Variants in MAGT1 observed in about 807,000 individuals in gnomAD.
The protein encoded by MAGT1 is dolichyl-diphosphooligosaccharide--protein glycosyltransferase subunit MAGT1.
MAGT1 carries 4 observed loss-of-function variants against 28.4 expected under a neutral mutation model. The observed-to-expected ratio is 0.14, with a 90% CI of 0.07 to 0.32. The LOEUF (loss-of-function observed/expected upper bound fraction) is 0.32. MAGT1 is among the 10% of genes least tolerant of loss of function. The pLI is 1.00. For missense variants in MAGT1, 193 were observed against 264.5 expected (o/e 0.73, Z 1.88); for synonymous variants, 89 against 89.7 (o/e 0.99, Z 0.04).
In MAGT1 at chrX:77,867,852, C is replaced by T. The variant is rs782817971; in HGVS notation, c.390+2956G>A. ...TAATTTTGTTTAAACCAGGGTTTCCCAAGTTTATTTTTTTCCAAGAATACT... is the reference window on the plus strand; with the variant it reads ...TAATTTTGTTTAAACCAGGGTTTCCTAAGTTTATTTTTTTCCAAGAATACT... On this transcript the variant is annotated intron_variant, in intron 3 of 9. Transcript: ENST00000618282. 9.0e-5 allele frequency among the ~76,000 whole-genome samples: 6 copies of T among 67,023 alleles called. No individual in the cohort carries two copies. The South Asian group carries it at 3.9e-3, about 44-fold the overall frequency. 58.2% of individuals were successfully genotyped at this position (67,023 alleles called of 115,157 possible). A position where few individuals can be genotyped will look rare whatever the true frequency, so the allele number is the denominator to read the frequency against.
At chrX:77,876,817 C>A (rs1205967153) in intron 1 of MAGT1, among the ~76,000 whole-genome samples, 2 of 109,989 alleles carry the variant, frequency 1.8e-5, no homozygotes, top group Non-Finnish European at 3.8e-5. Context: ...AGTTCGAAAC[C>A]AGCCTAACCA....
intron 3 of MAGT1, among the ~76,000 whole-genome samples, chrX:77,858,834 A>AT (rs2076987723): frequency 8.9e-6 from 1 of 112,004 alleles, no homozygotes; most frequent in African/African-American, 3.2e-5. Context: ...AGTCTACCAA[A>AT]TGCTGCCCAA....
intron 9 of MAGT1, among the ~76,000 whole-genome samples, chrX:77,829,998 T>C (rs2076893112): frequency 8.9e-6 from 1 of 112,413 alleles, no homozygotes; most frequent in Admixed American, 9.5e-5. Context: ...CATTATACTA[T>C]AATTAATTTT....
intron 1 of MAGT1, 120 bp downstream of exon 1, chrX:77,895,189 G>GT (rs1222063940): frequency 2.9e-5 from 22 of 748,416 alleles, no homozygotes; most frequent in Non-Finnish European, 4.4e-5. Flanking sequence ...CGAAAACCGC[G>GT]TAATTGAAGC....
At chrX:77,850,162 G>C (rs1330573149) in intron 7 of MAGT1, among the ~76,000 whole-genome samples, 2 of 110,809 alleles carry the variant, frequency 1.8e-5, no homozygotes, top group African/African-American at 6.6e-5. Context: ...TACCGGTCTT[G>C]AGGTTTCATA....
At chrX:77,863,885 G>C (rs782580519) in intron 3 of MAGT1, among the ~76,000 whole-genome samples, 1 of 111,145 alleles carries the variant, frequency 9.0e-6, no homozygotes. Context: ...TTAGCCAGGC[G>C]TGGTGGCGCA....
At chrX:77,842,770 T>C (rs2076939027) in intron 7 of MAGT1, among the ~76,000 whole-genome samples, 1 of 109,854 alleles carries the variant, frequency 9.1e-6, no homozygotes, top group African/African-American at 3.3e-5. Flanking sequence ...GAGGTTGCAG[T>C]GAGCCGAGAT....
chrX:77,890,776 T>C (rs149884016), intron 1 of MAGT1, among the ~76,000 whole-genome samples: 463 of 111,809 alleles, frequency 4.1e-3, no homozygotes, highest in Non-Finnish European at 7.1e-3. Flanking sequence ...ATTTTCACAA[T>C]AGCCAAAGAA....
chrX:77,871,172 A>C (rs1184719908), intron 2 of MAGT1, among the ~76,000 whole-genome samples: 2 of 112,059 alleles, frequency 1.8e-5, no homozygotes, highest in Admixed American at 9.6e-5. Context: ...TCCGCTTCAT[A>C]CTTTGTGCCT....
chrX:77,883,153 T>A (rs2077057920), intron 1 of MAGT1, among the ~76,000 whole-genome samples: 1 of 103,001 alleles, frequency 9.7e-6, no homozygotes, highest in African/African-American at 3.5e-5. Context: ...GCTATCATTG[T>A]TAGACATTTG....
chrX:77,830,427 T>A (rs782390183), intron 9 of MAGT1, among the ~76,000 whole-genome samples: 28 of 110,418 alleles, frequency 2.5e-4, no homozygotes, highest in Non-Finnish European at 4.4e-4. Flanking sequence ...CAAGACCTGA[T>A]CAACATGGTG....
intron 7 of MAGT1, among the ~76,000 whole-genome samples, chrX:77,846,033 A>C (rs1349611941): frequency 2.7e-5 from 3 of 112,076 alleles, no homozygotes; most frequent in Non-Finnish European, 5.6e-5. Flanking sequence ...AGTGTTTTCC[A>C]ACTTGGTTCC....
rs890089038 is a variant in MAGT1, at chrX:77,872,413, A to T, written c.273-1488T>A. ...ACTACTTTCCTGAAACACTTCTCAGAAATCACTGTTGCTTTCTTATTACCT... is the reference window on the plus strand; with the variant it reads ...ACTACTTTCCTGAAACACTTCTCAGTAATCACTGTTGCTTTCTTATTACCT... On this transcript the variant is annotated intron_variant, in intron 2 of 9. Coordinates refer to ENST00000618282, the MANE Select transcript of MAGT1 (RefSeq NM_001367916.1). 2.7e-5 allele frequency among the ~76,000 whole-genome samples: 3 copies of T among 112,079 alleles called. No homozygotes were observed. In the East Asian group the frequency reaches 8.3e-4, roughly 31 times the overall value.
intron 7 of MAGT1, among the ~76,000 whole-genome samples, chrX:77,848,564 T>C (rs985552632): frequency 1.8e-5 from 2 of 111,803 alleles, no homozygotes; most frequent in Non-Finnish European, 1.9e-5. Context: ...ATAAAGGCCA[T>C]ACAACATAGA....
intron 8 of MAGT1, among the ~76,000 whole-genome samples, chrX:77,836,111 T>C (rs1352572291): frequency 9.0e-6 from 1 of 111,018 alleles, no homozygotes; most frequent in African/African-American, 3.3e-5. Context: ...GCCTTGGAAG[T>C]CATTAAGTGA....
intron 3 of MAGT1, among the ~76,000 whole-genome samples, chrX:77,861,761 A>G (rs1557216492): frequency 8.9e-6 from 1 of 112,235 alleles, no homozygotes. Context: ...AACATGGATG[A>G]ACATTGAGGA....
intron 1 of MAGT1, among the ~76,000 whole-genome samples, chrX:77,879,809 A>G (rs955090967): frequency 3.9e-5 from 4 of 103,022 alleles, no homozygotes; most frequent in African/African-American, 1.4e-4. Context: ...AGAAAGTAAC[A>G]TGGATTCTAA....
chrX:77,843,738 GGTTT>G (rs1402472210), intron 7 of MAGT1, among the ~76,000 whole-genome samples: 3 of 111,454 alleles, frequency 2.7e-5, no homozygotes, highest in South Asian at 3.7e-4. Flanking sequence ...ACATCATGCA[GGTTT>G]GTTACACATG....
At chrX:77,857,635 G>A (rs2076984705) in intron 3 of MAGT1, 138 bp from the exon 4 acceptor site, 1 of 746,115 alleles carries the variant, frequency 1.3e-6, no homozygotes, top group African/African-American at 2.1e-5. Flanking sequence ...TTTGCCCAAG[G>A]AAAGTGGTAA....
Sources: gnomAD v4.1 joint callset for allele counts (sites outside exome capture counted in the v4.1 genomes callset) on GRCh38, gnomAD v4.1.1 for gene constraint, MANE v1.5 for transcripts, NCBI Gene and HGNC (gene_info 2026-07-23, HGNC 2026-07-21) for gene names.